FHIT: variants seen among roughly 807,000 people sequenced by gnomAD.
FHIT encodes fragile histidine triad diadenosine triphosphatase.
A neutral mutation model predicts 17.9 loss-of-function variants in FHIT; 19 were observed. That is an observed-to-expected ratio of 1.06 (90% confidence interval 0.74 to 1.56). The LOEUF (loss-of-function observed/expected upper bound fraction) is 1.56. Among genes scored for constraint, FHIT ranks in the 40% most tolerant of loss-of-function variants. FHIT has a pLI of 0.00. For synonymous variants in FHIT, 81 were observed against 69.7 expected (o/e 1.16, Z -0.81); for missense variants, 248 against 189.2 (o/e 1.31, Z -1.82).
intron 4 of FHIT, among the ~76,000 whole-genome samples, chr3:60,746,185 A>G (rs1291988208): frequency 2.6e-5 from 4 of 152,144 alleles, no homozygotes; most frequent in African/African-American, 9.7e-5. Context: ...TGAAGCTGAC[A>G]TGGTCTCGGT....
At chr3:61,235,850 A>G (rs1340931467) in intron 1 of FHIT, among the ~76,000 whole-genome samples, 1 of 152,168 alleles carries the variant, frequency 6.6e-6, no homozygotes, top group African/African-American at 2.4e-5. Flanking sequence ...CAGCATGTGT[A>G]TTAGAGAATG....
intron 5 of FHIT, among the ~76,000 whole-genome samples, chr3:60,127,683 C>T (rs1046678654): frequency 1.3e-5 from 2 of 152,140 alleles, no homozygotes; most frequent in Admixed American, 6.5e-5. Context: ...CCCACTGTAG[C>T]CTCCACCTTC....
intron 4 of FHIT, among the ~76,000 whole-genome samples, chr3:60,539,585 A>C (rs980435465): frequency 1.3e-5 from 2 of 152,194 alleles, no homozygotes; most frequent in African/African-American, 4.8e-5. Flanking sequence ...AAAATGTAGC[A>C]CATATACGTG....
At chr3:61,066,820 A>G (rs1040338573) in intron 2 of FHIT, among the ~76,000 whole-genome samples, 16 of 152,148 alleles carry the variant, frequency 1.1e-4, no homozygotes, top group Non-Finnish European at 1.5e-5. Flanking sequence ...ATCTCAGAAA[A>G]TTTGAAAGAA....
intron 3 of FHIT, among the ~76,000 whole-genome samples, chr3:61,040,218 G>A (rs192755307): frequency 6.6e-6 from 1 of 152,318 alleles, no homozygotes; most frequent in East Asian, 1.9e-4. Flanking sequence ...AACATTTGCT[G>A]AATCACAATA....
intron 3 of FHIT, among the ~76,000 whole-genome samples, chr3:60,896,821 T>C (rs141156067): frequency 2.0e-5 from 3 of 152,314 alleles, no homozygotes; most frequent in Admixed American, 2.0e-4. Flanking sequence ...TATTTCGGAA[T>C]ATACAAACCA....
chr3:60,957,449 C>G (rs566731498), intron 3 of FHIT, among the ~76,000 whole-genome samples: 2 of 151,954 alleles, frequency 1.3e-5, no homozygotes, highest in East Asian at 1.9e-4. Flanking sequence ...GTGTTAGCCA[C>G]GATGGTCTTG....
chr3:60,867,747 G>A (rs1049738824), intron 3 of FHIT, among the ~76,000 whole-genome samples: 7 of 152,136 alleles, frequency 4.6e-5, no homozygotes, highest in Non-Finnish European at 7.4e-5. Flanking sequence ...CACATGCTCT[G>A]GGGTAACTAG....
intron 5 of FHIT, among the ~76,000 whole-genome samples, chr3:60,187,859 CCT>C (rs1702224897): frequency 6.6e-6 from 1 of 152,036 alleles, no homozygotes; most frequent in Non-Finnish European, 1.5e-5. Flanking sequence ...GGTAATCACT[CCT>C]CTGTTTTATG....
At chr3:60,356,946 C>G (rs143410301) in intron 5 of FHIT, among the ~76,000 whole-genome samples, 1 of 152,132 alleles carries the variant, frequency 6.6e-6, no homozygotes, top group East Asian at 1.9e-4. Context: ...AGATCAATAC[C>G]AAACAACTAG....
At chr3:61,139,010 G>A (rs1433966326) in intron 2 of FHIT, among the ~76,000 whole-genome samples, 2 of 150,394 alleles carry the variant, frequency 1.3e-5, no homozygotes, top group African/African-American at 2.4e-5. Flanking sequence ...ATAAAGCCCC[G>A]TATGCAACTC....
intron 5 of FHIT, among the ~76,000 whole-genome samples, chr3:60,064,512 A>T (rs1364490744): frequency 6.6e-6 from 1 of 152,198 alleles, no homozygotes; most frequent in Admixed American, 6.5e-5. Flanking sequence ...GTAAACAGTC[A>T]TTGTATCATC....
intron 4 of FHIT, among the ~76,000 whole-genome samples, chr3:60,631,432 A>C (rs1374042926): frequency 6.6e-6 from 1 of 152,168 alleles, no homozygotes; most frequent in African/African-American, 2.4e-5. Context: ...TCTGATTTAC[A>C]TCTAGGGGAT....
chr3:60,744,688 T>C (rs1365027134), intron 4 of FHIT, among the ~76,000 whole-genome samples: 1 of 152,184 alleles, frequency 6.6e-6, no homozygotes, highest in African/African-American at 2.4e-5. Flanking sequence ...ATGGGTGTAG[T>C]TGCTGCTACA....
chr3:60,449,633 G>C (rs2031584232), intron 5 of FHIT, among the ~76,000 whole-genome samples: 1 of 151,992 alleles, frequency 6.6e-6, no homozygotes, highest in Non-Finnish European at 1.5e-5. Flanking sequence ...GCATGTTATT[G>C]TACTGAATAC....
At chr3:60,219,923 T>G (rs923054096) in intron 5 of FHIT, among the ~76,000 whole-genome samples, 2 of 152,186 alleles carry the variant, frequency 1.3e-5, no homozygotes, top group Non-Finnish European at 2.9e-5. Flanking sequence ...TGTAAATATT[T>G]CAGTCAACTT....
At chr3:60,355,760 T>A (rs34697759) in intron 5 of FHIT, among the ~76,000 whole-genome samples, 2,900 of 152,198 alleles carry the variant, frequency 0.019, 67 homozygotes, top group African/African-American at 0.057. Flanking sequence ...AGATGACAAA[T>A]GTCAACGAAG....
intron 4 of FHIT, among the ~76,000 whole-genome samples, chr3:60,572,343 C>T (rs984915419): frequency 6.6e-6 from 1 of 151,558 alleles, no homozygotes. Flanking sequence ...TTTTTAATTA[C>T]TCCAAGCTGA....
In FHIT at chr3:60,644,193, G is replaced by A. The variant is rs564490499; in HGVS notation, c.-17-107214C>T. Among the ~76,000 whole-genome samples the A allele has an allele frequency of 5.3e-5, 8 of 152,270 alleles. No homozygotes were observed. The South Asian group carries it at 1.7e-3, about 32-fold the overall frequency. Reference sequence around the variant, plus strand: ...GTTCTAGAATAGACAGGTACTACAAGACTGAAAAAGAGAAAATTTAACATG... The same window carrying A: ...GTTCTAGAATAGACAGGTACTACAAAACTGAAAAAGAGAAAATTTAACATG... On this transcript the variant is annotated intron_variant, in intron 4 of 9. Coordinates refer to ENST00000492590, the MANE Select transcript of FHIT (RefSeq NM_002012.4).
Sources: allele counts gnomAD v4.1 joint callset (sites outside exome capture counted in the v4.1 genomes callset), GRCh38; gene constraint gnomAD v4.1.1; transcripts MANE v1.5; gene names NCBI Gene and HGNC (gene_info 2026-07-23, HGNC 2026-07-21).